SYN3: variants seen among roughly 807,000 people sequenced by gnomAD.
SYN3 encodes the protein synapsin III, also known as synapsin-3.
A neutral mutation model predicts 65.8 loss-of-function variants in SYN3; 35 were observed. The observed-to-expected ratio is 0.53, with a 90% CI of 0.41 to 0.70. SYN3 has a LOEUF of 0.70. Ranked by LOEUF, SYN3 falls within the 30% of genes least tolerant of loss-of-function variation. The pLI is 0.00. For synonymous variants in SYN3, 270 were observed against 292.9 expected (o/e 0.92, Z 0.80); for missense variants, 680 against 749.0 (o/e 0.91, Z 1.08).
At position 33,009,751 on chromosome 22, in the gene SYN3, A is replaced by AAAC. The variant is rs1349129122; in HGVS notation, c.-162-2928_-162-2927insGTT. Among the ~76,000 whole-genome samples the AAAC allele has an allele frequency of 2.1e-5, 3 of 141,242 alleles. No homozygotes were observed. In the East Asian group the frequency reaches 6.1e-4, roughly 29 times the overall value. 92.7% of individuals were successfully genotyped at this position (141,242 alleles called of 152,430 possible). A position where few individuals can be genotyped will look rare whatever the true frequency, so the allele number is the denominator to read the frequency against. On this transcript the variant is annotated intron_variant, in intron 1 of 13. Coordinates refer to ENST00000358763, the MANE Select transcript of SYN3 (RefSeq NM_003490.4). ...ATATCCTTTCATATATACGTATCTA[A>AAAC]ACACACACACACACACACACACACA...
At chr22:33,005,475 G>A (rs1344277347) in intron 2 of SYN3, among the ~76,000 whole-genome samples, 2 of 152,208 alleles carry the variant, frequency 1.3e-5, no homozygotes, top group African/African-American at 4.8e-5. Context: ...CTCCACATAA[G>A]CAGGAGCCTG....
intron 6 of SYN3, among the ~76,000 whole-genome samples, chr22:32,851,922 A>G (rs2048229636): frequency 6.6e-6 from 1 of 152,170 alleles, no homozygotes; most frequent in African/African-American, 2.4e-5. Flanking sequence ...GGCTAGAAGT[A>G]ATAGTCCGTC....
intron 4 of SYN3, among the ~76,000 whole-genome samples, chr22:32,898,496 T>C (rs2049662936): frequency 1.3e-5 from 2 of 152,214 alleles, no homozygotes; most frequent in African/African-American, 2.4e-5. Context: ...TCTGCATACA[T>C]CTGCAGCAAG....
intron 4 of SYN3, among the ~76,000 whole-genome samples, chr22:32,927,136 T>C (rs1179675676): frequency 6.6e-6 from 1 of 152,172 alleles, no homozygotes; most frequent in African/African-American, 2.4e-5. Context: ...AGCACTGCTG[T>C]ATAAGCAATT....
intron 6 of SYN3, among the ~76,000 whole-genome samples, chr22:32,813,534 CA>C (rs2046972725): frequency 7.1e-6 from 1 of 141,452 alleles, no homozygotes; most frequent in African/African-American, 2.6e-5. Context: ...CACACACACA[CA>C]CGTGGACCAA....
intron 4 of SYN3, among the ~76,000 whole-genome samples, chr22:32,869,569 C>T (rs1396777311): frequency 6.6e-6 from 1 of 151,958 alleles, no homozygotes; most frequent in African/African-American, 2.4e-5. Context: ...CCCTGAGGCT[C>T]AGGAAGACTA....
At chr22:32,770,823 G>T (rs542637849) in intron 6 of SYN3, among the ~76,000 whole-genome samples, 1 of 126,326 alleles carries the variant, frequency 7.9e-6, no homozygotes, top group African/African-American at 3.4e-5. Context: ...TGGATTACTC[G>T]ATATGTAGCA....
At chr22:32,857,348 T>C in intron 6 of SYN3, 1 of 1,613,956 alleles carries the variant, frequency 6.2e-7, no homozygotes, top group Non-Finnish European at 8.5e-7. Flanking sequence ...CAAGTACCAG[T>C]ACCTGCTGAC....
In SYN3 at chr22:32,530,867, G is replaced by A. The variant is rs563137753; in HGVS notation, c.1096-1859C>T. Among the ~76,000 whole-genome samples, 24 of 152,024 alleles carry A rather than the reference G, an allele frequency of 1.6e-4. No homozygotes were observed. The East Asian group carries it at 1.9e-3, about 12-fold the overall frequency. ...AAAATACAAAAAAAATTAGCCGGGC[G>A]TGGTGGCAGGTGCCTGTAATCCCAG... On this transcript the variant is annotated intron_variant, in intron 10 of 13. Transcript: ENST00000358763.
At chr22:32,850,598 A>G (rs1207394363) in intron 6 of SYN3, among the ~76,000 whole-genome samples, 1 of 152,174 alleles carries the variant, frequency 6.6e-6, no homozygotes, top group Non-Finnish European at 1.5e-5. Context: ...TTTAGGAACT[A>G]GAGTCAGGTT....
intron 6 of SYN3, among the ~76,000 whole-genome samples, chr22:32,739,875 A>G (rs1179123438): frequency 6.6e-6 from 1 of 152,210 alleles, no homozygotes; most frequent in Non-Finnish European, 1.5e-5. Flanking sequence ...TTTTCATGCT[A>G]TGAGCCACGT....
intron 3 of SYN3, among the ~76,000 whole-genome samples, chr22:32,954,865 A>G (rs1291784529): frequency 6.6e-6 from 1 of 152,040 alleles, no homozygotes; most frequent in Non-Finnish European, 1.5e-5. Flanking sequence ...TCCAAATGGA[A>G]AACTCAAAGT....
intron 6 of SYN3, among the ~76,000 whole-genome samples, chr22:32,621,205 T>C (rs1177173847): frequency 6.6e-6 from 1 of 152,024 alleles, no homozygotes; most frequent in African/African-American, 2.4e-5. Context: ...GCTGGGCCAC[T>C]TGTGTTAAAT....
intron 6 of SYN3, among the ~76,000 whole-genome samples, chr22:32,740,196 T>G (rs1488768716): frequency 6.6e-6 from 1 of 152,202 alleles, no homozygotes; most frequent in African/African-American, 2.4e-5. Context: ...CAGGTGTAAT[T>G]AGCAGCCAAT....
At chr22:32,606,719 C>A (rs533735091) in intron 6 of SYN3, among the ~76,000 whole-genome samples, 4 of 152,206 alleles carry the variant, frequency 2.6e-5, no homozygotes, top group Admixed American at 6.5e-5. Context: ...TCCCCTCTGG[C>A]CACAGGGGCT....
intron 3 of SYN3, among the ~76,000 whole-genome samples, chr22:32,958,327 C>T (rs781551160): frequency 6.6e-6 from 1 of 152,164 alleles, no homozygotes; most frequent in African/African-American, 2.4e-5. Flanking sequence ...GAATGGCCTC[C>T]CAGTGATTGC....
chr22:32,673,539 C>T (rs2060400907), intron 6 of SYN3, among the ~76,000 whole-genome samples: 1 of 152,226 alleles, frequency 6.6e-6, no homozygotes, highest in African/African-American at 2.4e-5. Flanking sequence ...ACAGGCAGAT[C>T]TGACATAGTG....
chr22:32,852,945 C>G (rs1474867251), intron 6 of SYN3, among the ~76,000 whole-genome samples: 1 of 152,198 alleles, frequency 6.6e-6, no homozygotes, highest in Non-Finnish European at 1.5e-5. Flanking sequence ...GACATGCTCT[C>G]CAGCTGGCTG....
chr22:32,699,609 G>A (rs1478327594), intron 6 of SYN3, among the ~76,000 whole-genome samples: 1 of 152,086 alleles, frequency 6.6e-6, no homozygotes. Context: ...TTGCTCTCGG[G>A]GCCCAATTTG....
Sources: allele counts gnomAD v4.1 joint callset (sites outside exome capture counted in the v4.1 genomes callset), GRCh38; gene constraint gnomAD v4.1.1; transcripts MANE v1.5; gene names NCBI Gene and HGNC (gene_info 2026-07-23, HGNC 2026-07-21).